The following RANBP2 variants were observed in gnomAD, a reference collection of about 807,000 sequenced individuals.
The protein encoded by RANBP2 is RAN binding protein 2, also known as E3 SUMO-protein ligase RanBP2.
RANBP2 carries 57 observed loss-of-function variants against 303.6 expected under a neutral mutation model. The observed-to-expected ratio is 0.19, with a 90% CI of 0.15 to 0.23. The LOEUF (loss-of-function observed/expected upper bound fraction) is 0.23, where lower values mean the gene tolerates loss of function less well. Among genes scored for constraint, RANBP2 ranks in the 10% least tolerant of loss-of-function variants. The probability of loss-of-function intolerance (pLI) is 1.00; values close to 1 mark genes in which losing one functional copy is unlikely to be tolerated. For missense variants in RANBP2, 3,138 were observed against 3,780.8 expected, an observed-to-expected ratio of 0.83 and a Z score of 4.46; for synonymous variants, 1,167 against 1,301.5, an observed-to-expected ratio of 0.90 and a Z score of 2.23.
At chr2:109,398,846 T>C in the RANBP2 span, 1 of 1,613,944 alleles carries the variant, frequency 6.2e-7, no homozygotes, top group East Asian at 2.2e-5. Flanking sequence ...AGGCATTCCA[T>C]GGAAATTAGT....
chr2:108,896,958 C>G, the RANBP2 span: 1 of 1,613,684 alleles, frequency 6.2e-7, no homozygotes, highest in Non-Finnish European at 8.5e-7. Context: ...CCGCCCACTC[C>G]AGTATGTCTG....
At chr2:108,823,435 A>G in the RANBP2 span, among the ~76,000 whole-genome samples, 59 of 152,234 alleles carry the variant, frequency 3.9e-4, no homozygotes, top group Non-Finnish European at 7.2e-4. Flanking sequence ...TTGCTTAACA[A>G]TAGGACCACA....
chr2:108,729,731 T>G (rs1188056958), intron 2 of RANBP2, among the ~76,000 whole-genome samples: 2 of 151,852 alleles, frequency 1.3e-5, no homozygotes, highest in South Asian at 4.2e-4. Context: ...TTTTTTTTTT[T>G]TTTAGGCAGT....
At chr2:109,061,564 A>T in the RANBP2 span, among the ~76,000 whole-genome samples, 1 of 152,160 alleles carries the variant, frequency 6.6e-6, no homozygotes, top group Non-Finnish European at 1.5e-5. Flanking sequence ...AGCCTACCCA[A>T]TGAAACCATT....
chr2:109,394,847 G>A, the RANBP2 span, among the ~76,000 whole-genome samples: 2 of 152,232 alleles, frequency 1.3e-5, no homozygotes, highest in South Asian at 2.1e-4. Flanking sequence ...GCCTGTGCGC[G>A]AGACGAGTCT....
rs143930883 is a variant in RANBP2, at chr2:108,765,605, A to G, written c.5066A>G (p.Gln1689Arg). 7.7e-6 allele frequency: 11 copies of G among 1,427,932 alleles called. No homozygotes were observed. The highest frequency in any genetic ancestry group is 2.0e-5 in the African/African-American group (1 of 49,854). 88.5% of individuals were successfully genotyped at this position (1,427,932 alleles called of 1,614,324 possible). A position where few individuals can be genotyped will look rare whatever the true frequency, so the allele number is the denominator to read the frequency against. Reference protein sequence around the residue: ...EASATKCIACQNPGKQNQTTS... With the variant: ...EASATKCIACRNPGKQNQTTS... ...AGTGCTACCAAATGTATTGCTTGTC[A>G]GAATCCAGGTAAACAAAATCAAACT... Residue 1689 changes from glutamine to arginine, a missense_variant, in exon 20 of 29, where the codon CAG becomes CGG. By Grantham distance (43) the Gln-to-Arg change is conservative (BLOSUM62 1). Around this residue, in one of 20 missense-constraint regions of RANBP2, gnomAD observed 51 missense variants for 112.1 expected, o/e 0.45. Transcript: ENST00000283195.
chr2:109,089,089 T>C, the RANBP2 span, among the ~76,000 whole-genome samples: 3 of 151,448 alleles, frequency 2.0e-5, no homozygotes, highest in African/African-American at 4.9e-5. Context: ...GGGGAAGCAA[T>C]GAAGGTGAAC....
the RANBP2 span, among the ~76,000 whole-genome samples, chr2:109,104,997 G>A: frequency 6.6e-6 from 1 of 152,204 alleles, no homozygotes. Flanking sequence ...AGGTAGACAT[G>A]AGCAGGGCAG....
chr2:109,552,600 T>C, the RANBP2 span: 1 of 157,284 alleles, frequency 6.4e-6, no homozygotes, highest in East Asian at 1.9e-4. Context: ...GTGTTGCCAC[T>C]GTGGCTGTGA....
At chr2:108,851,866 T>C in the RANBP2 span, among the ~76,000 whole-genome samples, 1 of 152,164 alleles carries the variant, frequency 6.6e-6, no homozygotes, top group African/African-American at 2.4e-5. Flanking sequence ...ACTAAGCTCT[T>C]TATACCTTAT....
chr2:109,571,118 A>G, the RANBP2 span, among the ~76,000 whole-genome samples: 1 of 152,160 alleles, frequency 6.6e-6, no homozygotes, highest in Non-Finnish European at 1.5e-5. Flanking sequence ...TTCTCAGGTC[A>G]TATAAGACAT....
the RANBP2 span, among the ~76,000 whole-genome samples, chr2:109,633,652 C>T: frequency 1.3e-5 from 2 of 152,100 alleles, no homozygotes; most frequent in African/African-American, 2.4e-5. Flanking sequence ...GAAGGGACAA[C>T]CCCAACCTCT....
the RANBP2 span, among the ~76,000 whole-genome samples, chr2:109,086,628 C>CA: frequency 6.6e-6 from 1 of 152,182 alleles, no homozygotes; most frequent in East Asian, 1.9e-4. Flanking sequence ...GGCTCTGTCT[C>CA]AGCAGGTCCA....
chr2:108,744,837 C>T (rs1399617336), intron 7 of RANBP2, among the ~76,000 whole-genome samples: 5 of 152,216 alleles, frequency 3.3e-5, no homozygotes, highest in African/African-American at 4.8e-5. Flanking sequence ...TCCAAAGAAA[C>T]TAATGTTATT....
chr2:109,328,179 A>T, the RANBP2 span, among the ~76,000 whole-genome samples: 2 of 152,334 alleles, frequency 1.3e-5, no homozygotes, highest in South Asian at 4.1e-4. Context: ...TAGTTGCCTG[A>T]TATTAGTCCA....
At chr2:109,209,605 C>T in the RANBP2 span, among the ~76,000 whole-genome samples, 1 of 152,146 alleles carries the variant, frequency 6.6e-6, no homozygotes, top group African/African-American at 2.4e-5. Flanking sequence ...CTATCCACTC[C>T]CTGCTGTGTA....
chr2:108,913,898 T>C, the RANBP2 span, among the ~76,000 whole-genome samples: 6 of 136,964 alleles, frequency 4.4e-5, no homozygotes, highest in East Asian at 8.5e-4. Context: ...TGCAGTGAGC[T>C]GAGATTGCGC....
At chr2:109,598,514 G>C in the RANBP2 span, among the ~76,000 whole-genome samples, 2 of 152,080 alleles carry the variant, frequency 1.3e-5, no homozygotes, top group South Asian at 4.2e-4. Flanking sequence ...GAGCGAGAGC[G>C]AGAGAGAACA....
At position 108,730,941 on chromosome 2, in the gene RANBP2, G is replaced by T. The variant is rs932845929; in HGVS notation, c.252+56G>T. The T allele has an allele frequency of 1.9e-5, 30 of 1,585,970 alleles. 1 individual carries two copies. The African/African-American group carries it at 2.0e-4, about 11-fold the overall frequency. On this transcript the variant is annotated intron_variant, in intron 3 of 28. Transcript: ENST00000283195. ...CATAGCCAAACACATGATGCCCAGAGAAATTTATATAAGTAAGTCAAATAT... is the reference window on the plus strand; with the variant it reads ...CATAGCCAAACACATGATGCCCAGATAAATTTATATAAGTAAGTCAAATAT...
Sources: allele counts gnomAD v4.1 joint callset (sites outside exome capture counted in the v4.1 genomes callset), GRCh38; gene constraint gnomAD v4.1.1; regional missense constraint gnomAD v4.1.1; transcripts MANE v1.5; gene names NCBI Gene and HGNC (gene_info 2026-07-23, HGNC 2026-07-21).